The following ADARB2 variants were observed in gnomAD, a reference collection of about 807,000 sequenced individuals.
ADARB2 encodes the protein adenosine deaminase RNA specific B2 (inactive).
A neutral mutation model predicts 62.2 loss-of-function variants in ADARB2; 25 were observed. That is an observed-to-expected ratio of 0.40 (90% CI 0.29 to 0.56). The LOEUF (loss-of-function observed/expected upper bound fraction) is 0.56, where lower values mean the gene tolerates loss of function less well. ADARB2 is among the 20% of genes least tolerant of loss of function. The pLI is 0.43. For synonymous variants in ADARB2, 572 were observed against 500.8 expected (o/e 1.14, Z -1.90); for missense variants, 1,071 against 1,077.4 (o/e 0.99, Z 0.08).
chr10:1,232,871 GGT>G lies in ADARB2; in HGVS notation c.1513+821_1513+822del, dbSNP rs754684105. On this transcript the variant is annotated intron_variant, in intron 6 of 9. Transcript: ENST00000381312. The stretch of plus-strand genomic sequence containing the variant: ...TATGTGGTATGCGTGTAGTGTATGT[GGT>G]GTGTGTGTTGTATGTGTGTGGTGTG... Among the ~76,000 whole-genome samples, 93 of 151,552 alleles carry G rather than the reference GGT, an allele frequency of 6.1e-4. 1 individual carries two copies. Among genetic ancestry groups the G allele is most frequent in the African/African-American group, 1.9e-3 (80 of 41,266 alleles).
intron 1 of ADARB2, among the ~76,000 whole-genome samples, chr10:1,503,427 C>T (rs1831792430): frequency 6.6e-6 from 1 of 151,868 alleles, no homozygotes; most frequent in Non-Finnish European, 1.5e-5. Context: ...CTCCAGAGAC[C>T]TCCTTGTGCC....
At chr10:1,650,567 A>T (rs935609475) in intron 1 of ADARB2, among the ~76,000 whole-genome samples, 14 of 152,236 alleles carry the variant, frequency 9.2e-5, no homozygotes, top group Non-Finnish European at 1.8e-4. Flanking sequence ...AAAGTGGCAG[A>T]TACTGATCTA....
At chr10:1,727,179 G>A (rs1303374266) in intron 1 of ADARB2, among the ~76,000 whole-genome samples, 1 of 152,220 alleles carries the variant, frequency 6.6e-6, no homozygotes, top group Non-Finnish European at 1.5e-5. Context: ...GTGGTATGCG[G>A]CGAGACAATC....
intron 4 of ADARB2, among the ~76,000 whole-genome samples, chr10:1,270,221 C>T (rs955977783): frequency 6.6e-6 from 1 of 152,150 alleles, no homozygotes; most frequent in Non-Finnish European, 1.5e-5. Context: ...GTTTGTATGT[C>T]AGCTCGATGG....
chr10:1,550,176 G>T (rs1435909409), intron 1 of ADARB2, among the ~76,000 whole-genome samples: 1 of 152,148 alleles, frequency 6.6e-6, no homozygotes, highest in Non-Finnish European at 1.5e-5. Context: ...GCTGCAGGCT[G>T]CCCGGCCACC....
intron 6 of ADARB2, among the ~76,000 whole-genome samples, chr10:1,232,351 T>C (rs980606127): frequency 2.0e-5 from 3 of 152,080 alleles, no homozygotes; most frequent in African/African-American, 4.8e-5. Flanking sequence ...ATGCTGTGTG[T>C]GGTGTGTGTG....
At chr10:1,233,600 C>T in intron 6 of ADARB2, 94 bp downstream of exon 6, 2 of 1,357,806 alleles carry the variant, frequency 1.5e-6, no homozygotes, top group Non-Finnish European at 2.0e-6. Context: ...ACACACCGCG[C>T]CCCTGCCCTG....
At position 1,378,966 on chromosome 10, in the gene ADARB2, A is replaced by G. The variant is rs1003412461; in HGVS notation, c.187+108T>C. Reference sequence around the variant, plus strand: ...ACTGTCTCTCCAGGTAAGACCAAACAGACCCTCCCAGATGACCCCAGGTAT... The same window carrying G: ...ACTGTCTCTCCAGGTAAGACCAAACGGACCCTCCCAGATGACCCCAGGTAT... On this transcript the variant is annotated intron_variant, in intron 2 of 9. Coordinates refer to ENST00000381312, the MANE Select transcript of ADARB2 (RefSeq NM_018702.4). The G allele has an allele frequency of 8.8e-6, 8 of 909,350 alleles. No individual in the cohort carries two copies. In the African/African-American group the frequency reaches 9.9e-5, roughly 11 times the overall value. 56.3% of individuals were successfully genotyped at this position (909,350 alleles called of 1,614,324 possible).
At chr10:1,621,282 T>C (rs1048884561) in intron 1 of ADARB2, among the ~76,000 whole-genome samples, 1 of 152,236 alleles carries the variant, frequency 6.6e-6, no homozygotes, top group African/African-American at 2.4e-5. Context: ...GCAGGACATA[T>C]GATTAGTATA....
intron 1 of ADARB2, among the ~76,000 whole-genome samples, chr10:1,571,850 A>AGGTGATATGCT (rs1832940588): frequency 1.3e-5 from 2 of 149,908 alleles, no homozygotes; most frequent in Admixed American, 6.7e-5. Flanking sequence ...GTGAGTGGGC[A>AGGTGATATGCT]GGTGAGTATG....
intron 1 of ADARB2, among the ~76,000 whole-genome samples, chr10:1,714,461 C>T (rs1008043882): frequency 1.1e-4 from 17 of 152,220 alleles, no homozygotes; most frequent in African/African-American, 2.4e-4. Flanking sequence ...CCTCTAGGCA[C>T]GCATCTGAAC....
intron 1 of ADARB2, among the ~76,000 whole-genome samples, chr10:1,520,961 G>A (rs1832066726): frequency 6.6e-6 from 1 of 152,152 alleles, no homozygotes; most frequent in South Asian, 2.1e-4. Flanking sequence ...TAATTTGACA[G>A]AATACATTTC....
intron 1 of ADARB2, among the ~76,000 whole-genome samples, chr10:1,588,144 C>A (rs948751565): frequency 3.3e-5 from 5 of 152,202 alleles, no homozygotes; most frequent in Non-Finnish European, 5.9e-5. Context: ...TCAAGGCTCA[C>A]TTCAAGACCC....
intron 1 of ADARB2, among the ~76,000 whole-genome samples, chr10:1,598,588 C>T (rs1037709440): frequency 6.6e-6 from 1 of 152,134 alleles, no homozygotes; most frequent in Non-Finnish European, 1.5e-5. Flanking sequence ...TGCTTGGAGT[C>T]CTGATGCTGA....
At chr10:1,687,936 C>T (rs2119123252) in intron 1 of ADARB2, among the ~76,000 whole-genome samples, 1 of 152,322 alleles carries the variant, frequency 6.6e-6, no homozygotes, top group Non-Finnish European at 1.5e-5. Flanking sequence ...GAAATGTTTG[C>T]TTGTCACATA....
intron 1 of ADARB2, among the ~76,000 whole-genome samples, chr10:1,597,501 G>A (rs1833350622): frequency 6.6e-6 from 1 of 152,136 alleles, no homozygotes. Context: ...GAGGGGCCAA[G>A]AAACATATGA....
intron 1 of ADARB2, among the ~76,000 whole-genome samples, chr10:1,653,635 G>A (rs12767498): frequency 7.5e-6 from 1 of 133,404 alleles, no homozygotes; most frequent in Admixed American, 7.3e-5. Context: ...GAGCCGCAGT[G>A]TCCACCCAAC....
chr10:1,203,533 C>T (rs1445185918), intron 7 of ADARB2, among the ~76,000 whole-genome samples: 1 of 152,236 alleles, frequency 6.6e-6, no homozygotes, highest in Non-Finnish European at 1.5e-5. Context: ...CCGGCGTCTG[C>T]AGCTCTGCAG....
At chr10:1,713,108 C>G (rs1249641546) in intron 1 of ADARB2, among the ~76,000 whole-genome samples, 7 of 152,172 alleles carry the variant, frequency 4.6e-5, no homozygotes, top group Admixed American at 4.6e-4. Flanking sequence ...TGTTAGGAGT[C>G]AGGCGATGGA....
Sources: gnomAD v4.1 joint callset for allele counts (sites outside exome capture counted in the v4.1 genomes callset) on GRCh38, gnomAD v4.1.1 for gene constraint, MANE v1.5 for transcripts, NCBI Gene and HGNC (gene_info 2026-07-23, HGNC 2026-07-21) for gene names.